The following SLC17A6 variants were observed in gnomAD, a reference collection of about 807,000 sequenced individuals.
SLC17A6 encodes solute carrier family 17 member 6.
SLC17A6 carries 35 observed loss-of-function variants against 67.1 expected under a neutral mutation model. That is an observed-to-expected ratio of 0.52 (90% CI 0.40 to 0.69). The LOEUF (loss-of-function observed/expected upper bound fraction) is 0.69, where lower values mean the gene tolerates loss of function less well. Ranked by LOEUF, SLC17A6 falls within the 30% of genes least tolerant of loss-of-function variation. The pLI, the probability that SLC17A6 is intolerant of heterozygous loss-of-function variation, is 0.00. For missense variants in SLC17A6, 588 were observed against 723.9 expected, an observed-to-expected ratio of 0.81 and a Z score of 2.15; for synonymous variants, 285 against 252.3, an observed-to-expected ratio of 1.13 and a Z score of -1.23.
intron 3 of SLC17A6, among the ~76,000 whole-genome samples, chr11:22,352,697 T>G (rs1855954733): frequency 6.6e-6 from 1 of 152,136 alleles, no homozygotes; most frequent in South Asian, 2.1e-4. Context: ...CTTACAAAGG[T>G]GATCTACAGT....
At chr11:22,362,868 T>C (rs768524780) in intron 6 of SLC17A6, 43 bp downstream of exon 6, 5 of 1,474,954 alleles carry the variant, frequency 3.4e-6, no homozygotes, top group Admixed American at 3.3e-5. Context: ...GAAATGTGCA[T>C]AGGCTAAAAG....
chr11:22,368,739 A>G (rs892880143), intron 7 of SLC17A6, among the ~76,000 whole-genome samples: 2 of 152,060 alleles, frequency 1.3e-5, no homozygotes, highest in African/African-American at 2.4e-5. Flanking sequence ...TATCTTTGAA[A>G]TAAGTGTACG....
intron 3 of SLC17A6, among the ~76,000 whole-genome samples, chr11:22,358,913 G>C (rs1459200589): frequency 6.6e-6 from 1 of 152,156 alleles, no homozygotes; most frequent in African/African-American, 2.4e-5. Flanking sequence ...TGTATGTGCA[G>C]CTTCTAGGAA....
chr11:22,338,999 AC>A (rs1306898674), intron 1 of SLC17A6, among the ~76,000 whole-genome samples: 14 of 149,354 alleles, frequency 9.4e-5, no homozygotes, highest in African/African-American at 3.4e-4. Flanking sequence ...TTTGATGCAG[AC>A]AAATGAATAT....
At chr11:22,365,770 T>C (rs1163340147) in intron 7 of SLC17A6, 81 bp downstream of exon 7, 1 of 1,449,778 alleles carries the variant, frequency 6.9e-7, no homozygotes, top group African/African-American at 1.4e-5. Context: ...TTACAAGTTC[T>C]TCCTCAGCAA....
intron 7 of SLC17A6, among the ~76,000 whole-genome samples, chr11:22,368,064 T>C (rs1228523146): frequency 6.6e-6 from 1 of 152,174 alleles, no homozygotes; most frequent in African/African-American, 2.4e-5. Context: ...TTTGTTTTGA[T>C]GAACTATTTC....
chr11:22,353,699 T>A (rs1486430985), intron 3 of SLC17A6, among the ~76,000 whole-genome samples: 1 of 152,246 alleles, frequency 6.6e-6, no homozygotes, highest in East Asian at 1.9e-4. Flanking sequence ...TTTGTGTTTT[T>A]TAAAGGACAT....
In SLC17A6 at chr11:22,351,350, A is replaced by G. The variant is rs116326717; in HGVS notation, c.458+7985A>G. Reference sequence around the variant, plus strand: ...GTACCCATCACCTAAATAGATAATTATATCTAAGAGATAATTTTTCCACCC... The same window carrying G: ...GTACCCATCACCTAAATAGATAATTGTATCTAAGAGATAATTTTTCCACCC... On this transcript the variant is annotated intron_variant, in intron 3 of 11. Transcript: ENST00000263160. Among the ~76,000 whole-genome samples the G allele has an allele frequency of 5.5e-3, 838 of 152,170 alleles. 9 individuals are homozygous for G. The highest frequency in any genetic ancestry group is 0.019 in the African/African-American group (790 of 41,496).
At chr11:22,349,402 C>T (rs534277074) in intron 3 of SLC17A6, among the ~76,000 whole-genome samples, 47 of 152,148 alleles carry the variant, frequency 3.1e-4, no homozygotes, top group Non-Finnish European at 1.5e-4. Flanking sequence ...GAGAAGCCTG[C>T]ATTTTTCTGA....
chr11:22,376,055 G>C lies in SLC17A6; in HGVS notation c.1248G>C (p.Leu416Phe). ...SHTRGVAISF[L>F]VLAVGFSGFA... The stretch of plus-strand genomic sequence containing the variant: ...CTAGAGGGGTAGCAATCTCATTCTT[G>C]GTACTTGCAGTGGGATTCAGTGGAT... The change falls in exon 10 of 12, where the codon TTG (leucine) becomes TTC (phenylalanine). Residue 416 changes from leucine to phenylalanine, a missense_variant. Leu to Phe is a conservative substitution (Grantham distance 22, BLOSUM62 0). Around this residue, in one of 4 missense-constraint regions of SLC17A6, gnomAD observed 414 missense variants for 563.4 expected, o/e 0.73. Transcript: ENST00000263160. 1.2e-6 allele frequency: 2 copies of C among 1,612,240 alleles called. No homozygotes were observed. The highest frequency in any genetic ancestry group is 8.5e-7 in the Non-Finnish European group (1 of 1,179,052).
At chr11:22,370,367 T>G (rs1856161778) in intron 8 of SLC17A6, among the ~76,000 whole-genome samples, 179 bp downstream of exon 8, 1 of 152,162 alleles carries the variant, frequency 6.6e-6, no homozygotes, top group African/African-American at 2.4e-5. Context: ...TGTATTCTGT[T>G]GTCTGCTAGA....
intron 4 of SLC17A6, among the ~76,000 whole-genome samples, chr11:22,360,029 T>C (rs1362508622): frequency 6.6e-6 from 1 of 151,824 alleles, no homozygotes; most frequent in Non-Finnish European, 1.5e-5. Flanking sequence ...ACTTAAAAAC[T>C]CGAGTTCGGC....
In SLC17A6 at chr11:22,338,482, C is replaced by T. The variant is rs1309110532; in HGVS notation, c.-52C>T. ...GACAATATGCGCAATCCTCGCCTTT[C>T]CTAGCAATCACTATTTAAATCTGGC... On this transcript the variant is annotated 5_prime_UTR_variant, in exon 1 of 12. Coordinates refer to ENST00000263160, the MANE Select transcript of SLC17A6 (RefSeq NM_020346.3). 2.3e-6 allele frequency: 3 copies of T among 1,320,364 alleles called. No homozygotes were observed. Among genetic ancestry groups the T allele is most frequent in the Non-Finnish European group, 2.2e-6 (2 of 917,056 alleles). The allele number at this position is 1,320,364 out of a possible 1,614,324, so 81.8% of individuals were successfully genotyped here.
intron 3 of SLC17A6, among the ~76,000 whole-genome samples, chr11:22,346,257 G>T (rs537789832): frequency 7.9e-5 from 12 of 152,228 alleles, no homozygotes; most frequent in Admixed American, 7.2e-4. Context: ...CAAGAGAGAA[G>T]GGCTCCTGGC....
At position 22,370,046 on chromosome 11, in the gene SLC17A6, A is replaced by G. The variant is rs758119243; in HGVS notation, c.899A>G (p.Lys300Arg). The change falls in exon 8 of 12, where the codon AAG becomes AGG. Residue 300 changes from lysine to arginine, a missense_variant. Lys to Arg is a conservative substitution (Grantham distance 26, BLOSUM62 2). Transcript: ENST00000263160. ...ANLLGAMEKF[K>R]TPWRKFFTSM... ...CTCTTTTTGGAATTTCAGAAATTCA[A>G]GACTCCATGGAGGAAGTTTTTTACA... is the stretch of plus-strand genomic sequence containing the variant. 6.2e-7 allele frequency: 1 copy of G among 1,605,790 alleles called. No homozygotes were observed. The highest frequency in any genetic ancestry group is 1.1e-5 in the South Asian group (1 of 88,318).
At chr11:22,373,068 G>A (rs1287386963) in intron 8 of SLC17A6, among the ~76,000 whole-genome samples, 1 of 152,120 alleles carries the variant, frequency 6.6e-6, no homozygotes, top group East Asian at 1.9e-4. Context: ...TTTCCATAGT[G>A]CTTTGCACAC....
chr11:22,370,376 G>C, intron 8 of SLC17A6, among the ~76,000 whole-genome samples, 188 bp downstream of exon 8: 1 of 152,214 alleles, frequency 6.6e-6, no homozygotes, highest in East Asian at 1.9e-4. Context: ...TTGTCTGCTA[G>C]AATTGCTCTC....
chr11:22,372,257 T>C (rs1014648849), intron 8 of SLC17A6, among the ~76,000 whole-genome samples: 3 of 151,654 alleles, frequency 2.0e-5, no homozygotes, highest in African/African-American at 7.3e-5. Flanking sequence ...CAGTTAGCTA[T>C]ATGTTAATTG....
At chr11:22,357,620 T>C (rs1262340447) in intron 3 of SLC17A6, among the ~76,000 whole-genome samples, 2 of 152,184 alleles carry the variant, frequency 1.3e-5, no homozygotes, top group Non-Finnish European at 2.9e-5. Context: ...GTAATATTCA[T>C]CTCTCACCAG....
Sources: gnomAD v4.1 joint callset for allele counts (sites outside exome capture counted in the v4.1 genomes callset) on GRCh38, gnomAD v4.1.1 for gene constraint, gnomAD v4.1.1 regional missense constraint, MANE v1.5 for transcripts, NCBI Gene and HGNC (gene_info 2026-07-23, HGNC 2026-07-21) for gene names.